Variants in RELN observed in about 807,000 individuals in gnomAD.
RELN encodes reelin.
A neutral mutation model predicts 427.6 loss-of-function variants in RELN; 108 were observed. The observed-to-expected ratio is 0.25, with a 90% CI of 0.22 to 0.30. RELN has a LOEUF of 0.30. Ranked by LOEUF, RELN falls within the 10% of genes least tolerant of loss-of-function variation. RELN has a pLI of 1.00. For missense variants in RELN, 3,715 were observed against 4,302.8 expected (o/e 0.86, Z 3.82); for synonymous variants, 1,524 against 1,513.4 (o/e 1.01, Z -0.16).
chr7:103,773,178 C>CTTT (rs1791629697), intron 4 of RELN, among the ~76,000 whole-genome samples: 2 of 126,174 alleles, frequency 1.6e-5, no homozygotes, highest in African/African-American at 5.9e-5. Context: ...TTCTTTCTTT[C>CTTT]CTTCTTTCTT....
Position 103,472,746 on chromosome 7 carries a change from G to A in RELN, c.*66C>T, listed in dbSNP as rs1827897856. On this transcript the variant is annotated 3_prime_UTR_variant, in exon 65 of 65. Coordinates refer to ENST00000428762, the MANE Select transcript of RELN (RefSeq NM_005045.4). ...TATTTCCTGATATCAGATGTAGTGC[G>A]AGATTTAAAAGAATGGAGAGCAACA... is the stretch of plus-strand genomic sequence containing the variant. The A allele has an allele frequency of 8.8e-6, 11 of 1,250,446 alleles. No individual in the cohort carries two copies. The highest frequency in any genetic ancestry group is 3.4e-5 in the Admixed American group (2 of 58,218). The allele number at this position is 1,250,446 out of a possible 1,614,324, so 77.5% of individuals were successfully genotyped here.
intron 63 of RELN, among the ~76,000 whole-genome samples, chr7:103,480,875 A>G (rs1034402077): frequency 6.6e-6 from 1 of 152,248 alleles, no homozygotes. Flanking sequence ...AGTTTGAGAT[A>G]ATAATGCAGG....
chr7:103,843,689 T>C (rs1793609663), intron 2 of RELN, among the ~76,000 whole-genome samples: 1 of 152,190 alleles, frequency 6.6e-6, no homozygotes, highest in Non-Finnish European at 1.5e-5. Flanking sequence ...CATCTCTGAG[T>C]TAGATACAGA....
intron 1 of RELN, among the ~76,000 whole-genome samples, chr7:103,919,265 A>G (rs1250951502): frequency 6.6e-6 from 1 of 151,506 alleles, no homozygotes; most frequent in Non-Finnish European, 1.5e-5. Flanking sequence ...CTCTGTGTGT[A>G]AAAACCACTG....
intron 2 of RELN, among the ~76,000 whole-genome samples, chr7:103,913,333 T>G (rs1795410630): frequency 6.6e-6 from 1 of 152,188 alleles, no homozygotes; most frequent in African/African-American, 2.4e-5. Context: ...CTATTTAGAC[T>G]TACTAAATGC....
intron 1 of RELN, among the ~76,000 whole-genome samples, chr7:103,948,876 G>T (rs56403327): frequency 1.3e-5 from 2 of 151,114 alleles, no homozygotes; most frequent in Admixed American, 1.3e-4. Context: ...TTAGCCAGGC[G>T]TGGTGGTGCA....
At chr7:103,905,848 G>C (rs2116633818) in intron 2 of RELN, among the ~76,000 whole-genome samples, 1 of 152,272 alleles carries the variant, frequency 6.6e-6, no homozygotes, top group South Asian at 2.1e-4. Context: ...GGAGGGAGTG[G>C]AGAATTCCAC....
intron 46 of RELN, among the ~76,000 whole-genome samples, chr7:103,531,435 C>T (rs2535783): frequency 0.16 from 24,187 of 152,084 alleles, 2,650 homozygotes; most frequent in South Asian, 0.3. Flanking sequence ...TGGAGCAGAG[C>T]GTGATGTAGT....
chr7:103,539,510 T>C, intron 44 of RELN, 183 bp from the exon 45 acceptor site: 1 of 634,956 alleles, frequency 1.6e-6, no homozygotes, highest in East Asian at 2.8e-5. Context: ...CTTGCCCATC[T>C]GGCAAGAAAC....
At chr7:103,732,273 C>G (rs187942708) in intron 6 of RELN, among the ~76,000 whole-genome samples, 1 of 152,158 alleles carries the variant, frequency 6.6e-6, no homozygotes, top group African/African-American at 2.4e-5. Context: ...GGGGAACAAT[C>G]AGATTGCCCA....
At position 103,545,361 on chromosome 7, in the gene RELN, G is replaced by A. The variant is rs1380343938; in HGVS notation, c.6303-17C>T. 1.9e-6 allele frequency: 3 copies of A among 1,569,530 alleles called. No individual in the cohort carries two copies. Among genetic ancestry groups the A allele is most frequent in the South Asian group, 1.1e-5 (1 of 90,004 alleles). On this transcript the variant is annotated splice_polypyrimidine_tract_variant and intron_variant, in intron 41 of 64. Coordinates refer to ENST00000428762, the MANE Select transcript of RELN (RefSeq NM_005045.4). ...CGGACAGATCTGGAAAAGAGGACAAGTCTTTCAAAAGCTAATCAACAGAAC... is the reference window on the plus strand; with the variant it reads ...CGGACAGATCTGGAAAAGAGGACAAATCTTTCAAAAGCTAATCAACAGAAC...
chr7:103,539,218 C>T lies in RELN; in HGVS notation c.7040G>A (p.Cys2347Tyr). ...LHPGGTKMPV[C>Y]GSTGDALVFI... ...GACCAGGGCATCACCAGTAGAGCCA[C>T]ACACGGGCATCTTGGTGCCTCCTGG... Residue 2347 changes from cysteine to tyrosine, a missense_variant, in exon 45 of 65, where the codon TGT becomes TAT. Cys to Tyr is a radical substitution (Grantham distance 194). Transcript: ENST00000428762. The T allele has an allele frequency of 6.2e-7, 1 of 1,614,274 alleles. No homozygotes were observed. The highest frequency in any genetic ancestry group is 8.5e-7 in the Non-Finnish European group (1 of 1,180,052).
intron 24 of RELN, among the ~76,000 whole-genome samples, chr7:103,598,429 G>A (rs558734194): frequency 6.6e-6 from 1 of 152,216 alleles, no homozygotes; most frequent in African/African-American, 2.4e-5. Flanking sequence ...ATGATTTTTG[G>A]AAGAAAAACT....
chr7:103,748,696 T>C (rs1790916860), intron 6 of RELN, among the ~76,000 whole-genome samples: 1 of 152,260 alleles, frequency 6.6e-6, no homozygotes, highest in South Asian at 2.1e-4. Flanking sequence ...ATTTTCTTTT[T>C]AGTCTTGAGT....
At chr7:103,574,517 G>C (rs1170648081) in intron 29 of RELN, among the ~76,000 whole-genome samples, 1 of 152,126 alleles carries the variant, frequency 6.6e-6, no homozygotes. Flanking sequence ...TTTTTTAATA[G>C]AGACAGACAT....
chr7:103,554,523 T>TTG, intron 38 of RELN, among the ~76,000 whole-genome samples: 1 of 120,726 alleles, frequency 8.3e-6, no homozygotes. Context: ...TGAGCCAAGA[T>TTG]CACGCCACTG....
At chr7:103,681,423 C>T (rs958896948) in intron 11 of RELN, among the ~76,000 whole-genome samples, 2 of 152,102 alleles carry the variant, frequency 1.3e-5, no homozygotes, top group Non-Finnish European at 2.9e-5. Context: ...ATCCTTATCA[C>T]AGTGTTACAA....
At chr7:103,700,460 A>G (rs1445093770) in intron 9 of RELN, among the ~76,000 whole-genome samples, 1 of 152,160 alleles carries the variant, frequency 6.6e-6, no homozygotes, top group East Asian at 1.9e-4. Flanking sequence ...GGGAAGTTAG[A>G]AAGGATGTGA....
intron 20 of RELN, among the ~76,000 whole-genome samples, chr7:103,624,810 T>G (rs559922646): frequency 6.6e-6 from 1 of 152,320 alleles, no homozygotes; most frequent in Non-Finnish European, 1.5e-5. Flanking sequence ...TTTAGGAAAT[T>G]TCTTTCTCTA....
Sources: gnomAD v4.1 joint callset for allele counts (sites outside exome capture counted in the v4.1 genomes callset) on GRCh38, gnomAD v4.1.1 for gene constraint, MANE v1.5 for transcripts, NCBI Gene and HGNC (gene_info 2026-07-23, HGNC 2026-07-21) for gene names.